The following CNEP1R1 variants were observed in gnomAD, a reference collection of about 807,000 sequenced individuals.
CNEP1R1 encodes CTD nuclear envelope phosphatase 1 regulatory subunit 1.
CNEP1R1 carries 10 observed loss-of-function variants against 22.7 expected under a neutral mutation model. The observed-to-expected ratio is 0.44, with a 90% CI of 0.27 to 0.75. The LOEUF (loss-of-function observed/expected upper bound fraction) is 0.75. CNEP1R1 is among the 30% of genes least tolerant of loss of function. The pLI is 0.17. For missense variants in CNEP1R1, 73 were observed against 151.5 expected (o/e 0.48, Z 2.72); for synonymous variants, 53 against 50.1 (o/e 1.06, Z -0.25).
intron 3 of CNEP1R1, among the ~76,000 whole-genome samples, chr16:50,030,883 T>C (rs1396889533): frequency 6.6e-6 from 1 of 152,262 alleles, no homozygotes; most frequent in Non-Finnish European, 1.5e-5. Flanking sequence ...CTGGGCACTG[T>C]GCAAGAATAT....
At chr16:50,032,219 C>A (rs897991726) in intron 3 of CNEP1R1, among the ~76,000 whole-genome samples, 1 of 152,170 alleles carries the variant, frequency 6.6e-6, no homozygotes, top group African/African-American at 2.4e-5. Context: ...CATCTAGTTA[C>A]TAATCCACTT....
At chr16:50,026,761 G>T in intron 2 of CNEP1R1, 1 of 306,088 alleles carries the variant, frequency 3.3e-6, no homozygotes, top group Admixed American at 4.3e-5. Flanking sequence ...GATCACCTAA[G>T]GTCAGAAGTT....
chr16:50,027,787 G>A (rs1406083488), intron 2 of CNEP1R1, among the ~76,000 whole-genome samples: 1 of 151,972 alleles, frequency 6.6e-6, no homozygotes, highest in African/African-American at 2.4e-5. Context: ...TTTGAAGTCT[G>A]ACCTAGAAAA....
At chr16:50,034,032 T>C (rs2036254742) in intron 4 of CNEP1R1, 70 bp from the exon 5 acceptor site, 1 of 1,186,910 alleles carries the variant, frequency 8.4e-7, no homozygotes, top group Non-Finnish European at 1.2e-6. Flanking sequence ...ATTACAGGCT[T>C]GAGCCACCGC....
intron 2 of CNEP1R1, 39 bp from the exon 3 acceptor site, chr16:50,029,686 A>T (rs762216684): frequency 1.7e-6 from 2 of 1,182,460 alleles, no homozygotes; most frequent in Non-Finnish European, 2.5e-6. Flanking sequence ...CATATTAAGT[A>T]TGTATTTGCT....
chr16:50,034,764 A>G (rs559809286), intron 5 of CNEP1R1: 70 of 154,754 alleles, frequency 4.5e-4, no homozygotes, highest in Non-Finnish European at 8.6e-4. Context: ...TTAGCCAGGC[A>G]GGTGGTGCAC....
intron 3 of CNEP1R1, 150 bp from the exon 4 acceptor site, chr16:50,033,246 CA>C (rs1392060221): frequency 7.4e-6 from 3 of 402,812 alleles, no homozygotes; most frequent in Non-Finnish European, 1.3e-5. Flanking sequence ...TACAACGCAG[CA>C]ATACAGAGAA....
In CNEP1R1 at chr16:50,026,423, C is replaced by T; in HGVS notation, c.53C>T (p.Thr18Ile). ...CTCAAGGCTTTTGAGAGGAGACTTA[C>T]TGAATATATTCATTGTTTGCAACCT... ...EDLKAFERRLTEYIHCLQPAT... is the reference protein window; with the variant it reads ...EDLKAFERRLIEYIHCLQPAT... The change falls in exon 2 of 6, where the codon ACT becomes ATT. Residue 18 changes from threonine (T) to isoleucine (I), a missense_variant. Thr to Ile is a moderately conservative substitution (Grantham distance 89). Coordinates refer to ENST00000427478, the MANE Select transcript of CNEP1R1 (RefSeq NM_001281789.2). 1 of 1,610,456 alleles carries T rather than the reference C, an allele frequency of 6.2e-7. No individual in the cohort carries two copies. Among genetic ancestry groups the T allele is most frequent in the Non-Finnish European group, 8.5e-7 (1 of 1,178,200 alleles).
At chr16:50,029,876 A>G (rs2036217012) in intron 3 of CNEP1R1, 78 bp downstream of exon 3, 2 of 813,226 alleles carry the variant, frequency 2.5e-6, no homozygotes, top group Middle Eastern at 2.7e-4. Flanking sequence ...ATGATAAAGT[A>G]TTCAAACACT....
chr16:50,027,070 A>G (rs2036190929), intron 2 of CNEP1R1, among the ~76,000 whole-genome samples: 3 of 152,190 alleles, frequency 2.0e-5, no homozygotes, highest in Admixed American at 2.0e-4. Flanking sequence ...TAGCAGTTTT[A>G]TAATTTGCCT....
intron 3 of CNEP1R1, among the ~76,000 whole-genome samples, chr16:50,031,150 C>G (rs773509458): frequency 3.9e-5 from 6 of 152,154 alleles, no homozygotes; most frequent in Non-Finnish European, 8.8e-5. Context: ...CCGCTTTAAG[C>G]TGCAATTAAG....
intron 3 of CNEP1R1, 36 bp downstream of exon 3, chr16:50,029,834 A>G (rs774689727): frequency 5.0e-6 from 6 of 1,191,020 alleles, no homozygotes; most frequent in Non-Finnish European, 6.3e-6. Context: ...AGCATAATTA[A>G]ATGAGATAAT....
rs1448332874 is a variant in CNEP1R1 at position 50,035,641 on chromosome 16, A to ACTTT, written c.*184_*187dup. On this transcript the variant is annotated 3_prime_UTR_variant, in exon 6 of 6. Coordinates refer to ENST00000427478, the MANE Select transcript of CNEP1R1 (RefSeq NM_001281789.2). ...GGTGACTCATTATCAGTGCTTTGGT[A>ACTTT]CTTTTGATTACCTGTGTTTCAGTAT... The ACTTT allele has an allele frequency of 1.7e-5, 9 of 541,640 alleles. No individual in the cohort carries two copies. The highest frequency in any genetic ancestry group is 2.9e-5 in the Non-Finnish European group (9 of 306,910). The allele number at this position is 541,640 out of a possible 1,614,324, so 33.6% of individuals were successfully genotyped here. A position where few individuals can be genotyped will look rare whatever the true frequency, so the allele number is the denominator to read the frequency against.
rs1038043074 is a variant in CNEP1R1 at position 50,035,590 on chromosome 16, A to G, written c.*132A>G. 14 of 636,358 alleles carry G rather than the reference A, an allele frequency of 2.2e-5. No individual in the cohort carries two copies. Among genetic ancestry groups the G allele is most frequent in the African/African-American group, 9.3e-5 (5 of 53,962 alleles). 39.4% of individuals were successfully genotyped at this position (636,358 alleles called of 1,614,324 possible). A position where few individuals can be genotyped will look rare whatever the true frequency, so the allele number is the denominator to read the frequency against. On this transcript the variant is annotated 3_prime_UTR_variant, in exon 6 of 6. Transcript: ENST00000427478. ...AGCAGCAACTGACAAGAAGTGTGCA[A>G]TATTTACCTGGATTATCTTGATGAT...
At chr16:50,032,321 A>C (rs142492676) in intron 3 of CNEP1R1, among the ~76,000 whole-genome samples, 2 of 152,114 alleles carry the variant, frequency 1.3e-5, no homozygotes, top group African/African-American at 4.8e-5. Flanking sequence ...CCAGTCATGG[A>C]TCCTGGACCC....
intron 3 of CNEP1R1, among the ~76,000 whole-genome samples, 200 bp from the exon 4 acceptor site, chr16:50,033,197 A>T (rs2036246233): frequency 6.6e-6 from 1 of 152,182 alleles, no homozygotes; most frequent in South Asian, 2.1e-4. Context: ...TGCTATATTT[A>T]TCTTGCTTTA....
At chr16:50,028,084 A>G (rs1203772963) in intron 2 of CNEP1R1, among the ~76,000 whole-genome samples, 2 of 152,024 alleles carry the variant, frequency 1.3e-5, no homozygotes, top group African/African-American at 2.4e-5. Context: ...CATCCTCCCT[A>G]GTAGCTGAGA....
rs766757172 is a variant in CNEP1R1 at position 50,033,381 on chromosome 16, A to G, written c.172-16A>G. On this transcript the variant is annotated splice_polypyrimidine_tract_variant and intron_variant, in intron 3 of 5. Transcript: ENST00000427478. ...AGATTTTTAACATTTTTATATTTTCATCTCTTCTTTTACAGGTGTCCTTCT... is the reference window on the plus strand; with the variant it reads ...AGATTTTTAACATTTTTATATTTTCGTCTCTTCTTTTACAGGTGTCCTTCT... 6 of 1,358,148 alleles carry G rather than the reference A, an allele frequency of 4.4e-6. No homozygotes were observed. The highest frequency in any genetic ancestry group is 4.2e-6 in the Non-Finnish European group (4 of 958,138). The allele number at this position is 1,358,148 out of a possible 1,614,324, so 84.1% of individuals were successfully genotyped here.
intron 1 of CNEP1R1, chr16:50,025,743 C>G: frequency 6.4e-7 from 1 of 1,554,990 alleles, no homozygotes; most frequent in Non-Finnish European, 8.9e-7. Flanking sequence ...TAAAGCACAC[C>G]ACTGCGGAAA....
Sources: allele counts gnomAD v4.1 joint callset (sites outside exome capture counted in the v4.1 genomes callset), GRCh38; gene constraint gnomAD v4.1.1; transcripts MANE v1.5; gene names NCBI Gene and HGNC (gene_info 2026-07-23, HGNC 2026-07-21).